The following IL17RC variants were observed in gnomAD, a reference collection of about 807,000 sequenced individuals.
IL17RC encodes interleukin-17 receptor C.
In IL17RC, 53 loss-of-function variants were observed where a neutral mutation model predicts 86.7. The observed-to-expected ratio is 0.61, with a 90% CI of 0.49 to 0.77. IL17RC has a LOEUF of 0.77. IL17RC is among the 30% of genes least tolerant of loss of function. The pLI, the probability that IL17RC is intolerant of heterozygous loss-of-function variation, is 0.00. For missense variants in IL17RC, 957 were observed against 940.0 expected (o/e 1.02, Z -0.24); for synonymous variants, 439 against 413.1 (o/e 1.06, Z -0.76).
At position 9,933,486 on chromosome 3, in the gene IL17RC, C is replaced by G. The variant is rs1249032116; in HGVS notation, c.2056C>G (p.Arg686Gly). The G allele has an allele frequency of 1.9e-6, 3 of 1,612,058 alleles. No individual in the cohort carries two copies. The highest frequency in any genetic ancestry group is 1.7e-5 in the Admixed American group (1 of 59,920). Residue 686 changes from arginine to glycine, a missense_variant, in exon 19 of 19, where the codon CGG becomes GGG. Physicochemically the swap from Arg to Gly is moderately radical, Grantham distance 125. Coordinates refer to ENST00000403601, the MANE Select transcript of IL17RC (RefSeq NM_153460.4). The part of the protein sequence containing the change: ...RLQERAEQVS[R>G]ALQPALDSYF... Reference sequence around the variant, plus strand: ...CCAAGAGAGAGCGGAGCAAGTGTCCCGGGCCCTTCAGCCAGCCCTGGATAG... The same window carrying G: ...CCAAGAGAGAGCGGAGCAAGTGTCCGGGGCCCTTCAGCCAGCCCTGGATAG...
At position 9,919,610 on chromosome 3, in the gene IL17RC, C is replaced by T. The variant is rs183748564; in HGVS notation, c.466-881C>T. Among the ~76,000 whole-genome samples the T allele has an allele frequency of 8.7e-4, 132 of 152,216 alleles. No homozygotes were observed. In the East Asian group the frequency reaches 0.024, roughly 27 times the overall value. The stretch of plus-strand genomic sequence containing the variant: ...GCAGTGAGCCGAGATCGCGCCACTG[C>T]ACTCCAGCCTGGGCGACAGAGCGAG... On this transcript the variant is annotated intron_variant, in intron 5 of 18. Transcript: ENST00000403601.
At position 9,931,470 on chromosome 3, in the gene IL17RC, CAT is replaced by C. The variant is rs1553593529; in HGVS notation, c.1387+559_1387+560del. 5.8e-3 allele frequency among the ~76,000 whole-genome samples: 253 copies of C among 43,710 alleles called. 1 individual carries two copies. Among genetic ancestry groups the C allele is most frequent in the Middle Eastern group, 0.024 (1 of 42 alleles). 28.7% of individuals were successfully genotyped at this position (43,710 alleles called of 152,430 possible). A position where few individuals can be genotyped will look rare whatever the true frequency, so the allele number is the denominator to read the frequency against. On this transcript the variant is annotated intron_variant, in intron 16 of 18. Transcript: ENST00000403601. ...TATATATTTCACACACACACACACA[CAT>C]ATATATATATATATATATATATATA... is the stretch of plus-strand genomic sequence containing the variant.
intron 9 of IL17RC, among the ~76,000 whole-genome samples, chr3:9,924,866 A>G (rs1287889945): frequency 6.6e-6 from 1 of 152,156 alleles, no homozygotes; most frequent in Non-Finnish European, 1.5e-5. Flanking sequence ...CAGTGGCACA[A>G]TCATGGCACA....
At position 9,917,264 on chromosome 3, in the gene IL17RC, G is replaced by A; in HGVS notation, c.-52G>A. The A allele has an allele frequency of 7.7e-7, 1 of 1,299,234 alleles. No individual in the cohort carries two copies. Among genetic ancestry groups the A allele is most frequent in the South Asian group, 1.4e-5 (1 of 73,994 alleles). The allele number at this position is 1,299,234 out of a possible 1,614,324, so 80.5% of individuals were successfully genotyped here. On this transcript the variant is annotated 5_prime_UTR_variant, in exon 1 of 19. Transcript: ENST00000403601. Reference sequence around the variant, plus strand: ...GCTGACTGGGGTGTCTGCCCCCCTTGGGGGGGGGCAGCACAGGGCCTCAGG... The same window carrying A: ...GCTGACTGGGGTGTCTGCCCCCCTTAGGGGGGGGCAGCACAGGGCCTCAGG...
At position 9,930,130 on chromosome 3, in the gene IL17RC, T is replaced by A. The variant is rs1399948613; in HGVS notation, c.1259T>A (p.Leu420Gln). 6.2e-7 allele frequency: 1 copy of A among 1,613,982 alleles called. No individual in the cohort carries two copies. The highest frequency in any genetic ancestry group is 8.5e-7 in the Non-Finnish European group (1 of 1,180,030). Residue 420 changes from leucine to glutamine, a missense_variant, in exon 14 of 19, where the codon CTA (leucine) becomes CAA (glutamine). By Grantham distance (113) the Leu-to-Gln change is moderately radical. Transcript: ENST00000403601. This position sits in a 1 kb window ranked among gnomAD's most constrained non-coding sequence, Gnocchi z 5.8. ...CALEPSGCTS[L>Q]PSKASTRAAR... is the part of the protein sequence containing the mutation. The stretch of plus-strand genomic sequence containing the variant: ...TTGGAACCCAGTGGCTGTACTTCAC[T>A]ACCCAGCAAAGCCTCCACGGTTAGG...
intron 9 of IL17RC, among the ~76,000 whole-genome samples, chr3:9,926,483 A>G (rs183335915): frequency 6.6e-6 from 1 of 152,146 alleles, no homozygotes; most frequent in African/African-American, 2.4e-5. Flanking sequence ...TTATATAAAT[A>G]TTTTATCCTT....
Position 9,928,427 on chromosome 3 carries a change from G to C in IL17RC, c.1000G>C (p.Gly334Arg), listed in dbSNP as rs2084316724. 6.2e-7 allele frequency: 1 copy of C among 1,607,180 alleles called. No individual in the cohort carries two copies. Among genetic ancestry groups the C allele is most frequent in the Non-Finnish European group, 8.5e-7 (1 of 1,178,938 alleles). The change falls in exon 11 of 19, where the codon GGT becomes CGT. Residue 334 changes from glycine to arginine, a missense_variant. Transcript: ENST00000403601. ...AGCGGCACTGTGCTGGCGGGCTCCG[G>C]GTGGGGACCCCTGCCAGCCACTGGT... Reference protein sequence around the residue: ...AEAALCWRAPGGDPCQPLVPP... With the variant: ...AEAALCWRAPRGDPCQPLVPP...
rs758715584 is a variant in IL17RC at position 9,930,058 on chromosome 3, TACTGTTGGAGAC to T, written c.1190_1201del (p.Leu397_Thr400del). On this transcript the variant is annotated inframe_deletion, in exon 14 of 19. Transcript: ENST00000403601. This position sits in a 1 kb window ranked among gnomAD's most constrained non-coding sequence, Gnocchi z 5.8. ...CTGGGGCCTCTCAAAGACGATGTGC[TACTGTTGGAGAC>T]ACGAGGCCCCCAGGACAACAGATCC... 1 of 1,614,000 alleles carries T rather than the reference TACTGTTGGAGAC, an allele frequency of 6.2e-7. No individual in the cohort carries two copies. Among genetic ancestry groups the T allele is most frequent in the African/African-American group, 1.3e-5 (1 of 74,918 alleles).
At chr3:9,931,958 T>C (rs1437858132) in intron 16 of IL17RC, among the ~76,000 whole-genome samples, 2 of 151,780 alleles carry the variant, frequency 1.3e-5, no homozygotes, top group African/African-American at 4.8e-5. Context: ...CAACCCTAGC[T>C]TAGGGGAGAA....
Position 9,930,714 on chromosome 3 carries a change from G to C in IL17RC, c.1339-181G>C. On this transcript the variant is annotated intron_variant, in intron 15 of 18. Transcript: ENST00000403601. This position sits in a 1 kb window ranked among gnomAD's most constrained non-coding sequence, Gnocchi z 5.8. ...GAATTTCTTCCTATAAGCCAGATTT[G>C]GTATGGAAGAAGTCATACCCTAGTC... 1.4e-6 allele frequency: 1 copy of C among 698,446 alleles called. No homozygotes were observed. The highest frequency in any genetic ancestry group is 2.5e-6 in the Non-Finnish European group (1 of 395,694). The allele number at this position is 698,446 out of a possible 1,614,324, so 43.3% of individuals were successfully genotyped here.
chr3:9,930,062 G>A lies in IL17RC; in HGVS notation c.1191G>A (p.Leu397=). 3 of 1,614,102 alleles carry A rather than the reference G, an allele frequency of 1.9e-6. No homozygotes were observed. The highest frequency in any genetic ancestry group is 2.5e-6 in the Non-Finnish European group (3 of 1,180,000). The part of the protein sequence containing the change: ...SLGPLKDDVL[L]LETRGPQDNR... ...GGCCTCTCAAAGACGATGTGCTACT[G>A]TTGGAGACACGAGGCCCCCAGGACA... The change falls in exon 14 of 19, where the codon CTG becomes CTA. Residue 397 remains leucine, a synonymous_variant. Coordinates refer to ENST00000403601, the MANE Select transcript of IL17RC (RefSeq NM_153460.4). The surrounding 1 kb of genome is among the most constrained non-coding windows in gnomAD (Gnocchi z 5.8).
At chr3:9,925,090 C>T (rs993099142) in intron 9 of IL17RC, among the ~76,000 whole-genome samples, 4 of 150,774 alleles carry the variant, frequency 2.7e-5, no homozygotes, top group African/African-American at 7.3e-5. Flanking sequence ...TAAGCATGAG[C>T]CACTGTGGCT....
At chr3:9,918,756 C>T (rs894254832) in intron 5 of IL17RC, 147 bp downstream of exon 5, 38 of 639,560 alleles carry the variant, frequency 5.9e-5, no homozygotes, top group Non-Finnish European at 9.6e-5. Context: ...CAGGTATCAA[C>T]TTATTTAATT....
In IL17RC at chr3:9,930,082, A is replaced by C; in HGVS notation, c.1211A>C (p.Gln404Pro). The change falls in exon 14 of 19, where the codon CAG becomes CCG. Residue 404 changes from glutamine (Q) to proline (P), a missense_variant. Transcript: ENST00000403601. This position sits in a 1 kb window ranked among gnomAD's most constrained non-coding sequence, Gnocchi z 5.8. ...DVLLLETRGP[Q>P]DNRSLCALEP... ...CTACTGTTGGAGACACGAGGCCCCC[A>C]GGACAACAGATCCCTCTGTGCCTTG... is the stretch of plus-strand genomic sequence containing the variant. 6.2e-7 allele frequency: 1 copy of C among 1,614,142 alleles called. No individual in the cohort carries two copies. Among genetic ancestry groups the C allele is most frequent in the Non-Finnish European group, 8.5e-7 (1 of 1,180,018 alleles).
chr3:9,919,507 AT>A (rs1244631164), intron 5 of IL17RC, among the ~76,000 whole-genome samples: 3 of 152,024 alleles, frequency 2.0e-5, no homozygotes, highest in African/African-American at 7.2e-5. Context: ...TTAGCCAGGC[AT>A]GGTGGTGGGC....
rs1559326104 is a variant in IL17RC, at chr3:9,932,981, C to T, written c.1551C>T (p.Leu517=). 2.5e-6 allele frequency: 4 copies of T among 1,599,744 alleles called. No homozygotes were observed. Among genetic ancestry groups the T allele is most frequent in the Non-Finnish European group, 2.6e-6 (3 of 1,176,216 alleles). The change falls in exon 19 of 19, where the codon CTC becomes CTT. Residue 517 remains leucine, a synonymous_variant. Coordinates refer to ENST00000403601, the MANE Select transcript of IL17RC (RefSeq NM_153460.4). ...CCGCCAGGGGCCGCGCGGCTCTGCT[C>T]CTCTACTCAGCCGATGACTCGGGTT... ...GAAARGRAAL[L]LYSADDSGFE...
rs1200512381 is a variant in IL17RC, at chr3:9,932,964, G to A, written c.1534G>A (p.Gly512Ser). 1 of 1,606,970 alleles carries A rather than the reference G, an allele frequency of 6.2e-7. No homozygotes were observed. Among genetic ancestry groups the A allele is most frequent in the East Asian group, 2.2e-5 (1 of 44,844 alleles). Residue 512 changes from glycine (G) to serine (S), a missense_variant, in exon 19 of 19, where the codon GGC becomes AGC. Physicochemically the swap from Gly to Ser is moderately conservative, Grantham distance 56. Coordinates refer to ENST00000403601, the MANE Select transcript of IL17RC (RefSeq NM_153460.4). ...QDVRSGAAARGRAALLLYSAD... is the reference protein window; with the variant it reads ...QDVRSGAAARSRAALLLYSAD... ...GTTTTCTCCGGCAGCGGCCGCCAGG[G>A]GCCGCGCGGCTCTGCTCCTCTACTC...
intron 16 of IL17RC, among the ~76,000 whole-genome samples, chr3:9,931,864 T>C (rs1198132772): frequency 2.2e-5 from 3 of 134,550 alleles, no homozygotes; most frequent in African/African-American, 3.2e-5. Context: ...GGCAAATCAA[T>C]TGGAGGTAAA....
chr3:9,928,556 C>T lies in IL17RC; in HGVS notation c.1060-24C>T, dbSNP rs145467908. On this transcript the variant is annotated intron_variant, in intron 11 of 18. Transcript: ENST00000403601. ...GAACCGGGGGTCCCCTTTTGTGATC[C>T]CACCCATTCCTCTCTTTCCACAGAA... 1.9e-5 allele frequency: 30 copies of T among 1,613,806 alleles called. No individual in the cohort carries two copies. The Middle Eastern group carries it at 4.9e-4, about 27-fold the overall frequency.
Sources: allele counts gnomAD v4.1 joint callset (sites outside exome capture counted in the v4.1 genomes callset), GRCh38; gene constraint gnomAD v4.1.1; non-coding constraint Gnocchi (gnomAD v3.1); transcripts MANE v1.5; gene names NCBI Gene and HGNC (gene_info 2026-07-23, HGNC 2026-07-21).